The following DIS3L2 variants were observed in gnomAD, a reference collection of about 807,000 sequenced individuals.
DIS3L2 encodes DIS3-like exonuclease 2.
DIS3L2 carries 34 observed loss-of-function variants against 97.5 expected under a neutral mutation model. That is an observed-to-expected ratio of 0.35 (90% CI 0.27 to 0.46). The LOEUF (loss-of-function observed/expected upper bound fraction) is 0.46. Ranked by LOEUF, DIS3L2 falls within the 20% of genes least tolerant of loss-of-function variation. The probability of loss-of-function intolerance (pLI) is 1.00; values close to 1 mark genes in which losing one functional copy is unlikely to be tolerated. For missense variants in DIS3L2, 1,038 were observed against 1,146.0 expected, an observed-to-expected ratio of 0.91 and a Z score of 1.36; for synonymous variants, 435 against 445.2, an observed-to-expected ratio of 0.98 and a Z score of 0.29.
At chr2:232,118,705 A>C (rs933044120) in intron 6 of DIS3L2, among the ~76,000 whole-genome samples, 1 of 152,200 alleles carries the variant, frequency 6.6e-6, no homozygotes, top group African/African-American at 2.4e-5. Flanking sequence ...AAACCTTCAG[A>C]TTTGCCAATT....
At chr2:232,311,896 C>T (rs1242867065) in intron 14 of DIS3L2, among the ~76,000 whole-genome samples, 1 of 152,166 alleles carries the variant, frequency 6.6e-6, no homozygotes, top group Non-Finnish European at 1.5e-5. Flanking sequence ...TTTTGGTGCA[C>T]ATATGCATGT....
intron 1 of DIS3L2, among the ~76,000 whole-genome samples, chr2:231,974,049 T>A (rs73995032): frequency 0.03 from 4,541 of 151,024 alleles, 248 homozygotes; most frequent in African/African-American, 0.1. Context: ...GTTAAAAAAA[T>A]ATATATATAT....
chr2:232,321,666 A>C (rs2106340015), intron 14 of DIS3L2, among the ~76,000 whole-genome samples: 1 of 152,294 alleles, frequency 6.6e-6, no homozygotes. Context: ...GGCGACTCAG[A>C]CAGGAAAGGG....
chr2:232,000,034 C>T (rs974560191), intron 1 of DIS3L2, among the ~76,000 whole-genome samples: 10 of 152,098 alleles, frequency 6.6e-5, no homozygotes, highest in African/African-American at 2.2e-4. Flanking sequence ...AGGACTCCTA[C>T]AGCTACCAAA....
chr2:232,213,672 T>G (rs1461577910), intron 10 of DIS3L2, among the ~76,000 whole-genome samples: 1 of 150,808 alleles, frequency 6.6e-6, no homozygotes, highest in Non-Finnish European at 1.5e-5. Flanking sequence ...TTTTTTTTTT[T>G]TTTTTTTTTT....
In DIS3L2 at chr2:232,053,422, A is replaced by G. The variant is rs968005895; in HGVS notation, c.366+23342A>G. ...TCAACTGCATGGATTTTCCACACCAACCAGTTCTCCTCAGACTCTAATTGG... is the reference window on the plus strand; with the variant it reads ...TCAACTGCATGGATTTTCCACACCAGCCAGTTCTCCTCAGACTCTAATTGG... On this transcript the variant is annotated intron_variant, in intron 5 of 20. Coordinates refer to ENST00000325385, the MANE Select transcript of DIS3L2 (RefSeq NM_152383.5). 4.6e-5 allele frequency among the ~76,000 whole-genome samples: 7 copies of G among 152,282 alleles called. No homozygotes were observed. In the East Asian group the frequency reaches 7.7e-4, roughly 17 times the overall value.
chr2:232,044,547 A>C (rs1034762313), intron 5 of DIS3L2, among the ~76,000 whole-genome samples: 1 of 152,156 alleles, frequency 6.6e-6, no homozygotes, highest in Non-Finnish European at 1.5e-5. Flanking sequence ...TTGTTTCGAC[A>C]TGTTGAGTTT....
intron 13 of DIS3L2, among the ~76,000 whole-genome samples, chr2:232,298,698 T>C (rs997064089): frequency 9.2e-5 from 14 of 152,206 alleles, no homozygotes; most frequent in Admixed American, 8.5e-4. Flanking sequence ...AAAAAAATTA[T>C]AATAATGTAT....
intron 6 of DIS3L2, among the ~76,000 whole-genome samples, chr2:232,106,450 A>T (rs566643334): frequency 4.6e-5 from 7 of 152,360 alleles, no homozygotes. Context: ...ACCACCAAAG[A>T]TCAAAAAAGA....
chr2:232,015,844 A>G (rs1220733231), intron 3 of DIS3L2, 173 bp downstream of exon 3: 7 of 636,048 alleles, frequency 1.1e-5, no homozygotes, highest in Non-Finnish European at 1.8e-5. Flanking sequence ...TCTTAGAACT[A>G]CAGTACATTT....
intron 6 of DIS3L2, among the ~76,000 whole-genome samples, chr2:232,111,477 G>A (rs970761676): frequency 5.3e-5 from 8 of 152,042 alleles, no homozygotes; most frequent in Admixed American, 2.0e-4. Context: ...GCTGGGTCTT[G>A]GTTGGCTTAT....
exon 14 of DIS3L2, chr2:232,343,655 A>C: frequency 6.9e-7 from 1 of 1,446,804 alleles, no homozygotes; most frequent in Non-Finnish European, 9.4e-7. Flanking sequence ...AAAAGGCCAG[A>C]CTTCTAAAAG....
chr2:232,237,315 A>G (rs1006114665), intron 10 of DIS3L2, among the ~76,000 whole-genome samples: 8 of 152,158 alleles, frequency 5.3e-5, no homozygotes, highest in African/African-American at 1.9e-4. Flanking sequence ...TAAACCTGGT[A>G]GGGAGGGCAG....
chr2:232,262,770 T>C (rs971289576), intron 12 of DIS3L2, among the ~76,000 whole-genome samples: 2 of 151,918 alleles, frequency 1.3e-5, no homozygotes, highest in Non-Finnish European at 2.9e-5. Context: ...TTCACTCTTT[T>C]TGTCAGTGGC....
chr2:232,006,790 G>T (rs993152428), intron 1 of DIS3L2, among the ~76,000 whole-genome samples: 2 of 152,222 alleles, frequency 1.3e-5, no homozygotes, highest in African/African-American at 4.8e-5. Flanking sequence ...CCACAAGACT[G>T]TTGTGTTCTG....
chr2:231,996,945 A>C (rs547871456), intron 1 of DIS3L2, among the ~76,000 whole-genome samples: 38 of 152,292 alleles, frequency 2.5e-4, no homozygotes, highest in Non-Finnish European at 5.0e-4. Context: ...TTTCCTGATG[A>C]CTGAACTAAA....
rs557814889 is a variant in DIS3L2 at position 232,311,591 on chromosome 2, C to T, written c.1739+11472C>T. Reference sequence around the variant, plus strand: ...ATTTAAAAATAAATAATAAATAGAACATTACAGCTTCCAGGAGCCTCCCAT... The same window carrying T: ...ATTTAAAAATAAATAATAAATAGAATATTACAGCTTCCAGGAGCCTCCCAT... On this transcript the variant is annotated intron_variant, in intron 14 of 20. Coordinates refer to ENST00000325385, the MANE Select transcript of DIS3L2 (RefSeq NM_152383.5). Among the ~76,000 whole-genome samples, 15 of 152,246 alleles carry T rather than the reference C, an allele frequency of 9.9e-5. No individual in the cohort carries two copies. In the South Asian group the frequency reaches 2.9e-3, roughly 29 times the overall value.
intron 6 of DIS3L2, among the ~76,000 whole-genome samples, chr2:232,121,928 C>T (rs938968911): frequency 1.3e-5 from 2 of 152,150 alleles, no homozygotes; most frequent in African/African-American, 4.8e-5. Flanking sequence ...CCTTCCATTC[C>T]CTTGGCCACT....
intron 1 of DIS3L2, among the ~76,000 whole-genome samples, chr2:231,967,429 T>G (rs1692755184): frequency 6.6e-6 from 1 of 152,194 alleles, no homozygotes. Flanking sequence ...TTAACTTCAT[T>G]TTTTTAGGGA....
Sources: gnomAD v4.1 joint callset for allele counts (sites outside exome capture counted in the v4.1 genomes callset) on GRCh38, gnomAD v4.1.1 for gene constraint, MANE v1.5 for transcripts, NCBI Gene and HGNC (gene_info 2026-07-23, HGNC 2026-07-21) for gene names.